The following TPCN1 variants were observed in gnomAD, a reference collection of about 807,000 sequenced individuals.
The protein encoded by TPCN1 is two pore segment channel 1.
Under a neutral mutation model 108.8 loss-of-function variants are expected in TPCN1, and 52 were observed. The observed-to-expected ratio is 0.48, with a 90% CI of 0.38 to 0.60. TPCN1 has a LOEUF of 0.60. Among genes scored for constraint, TPCN1 ranks in the 20% least tolerant of loss-of-function variants. The pLI, the probability that TPCN1 is intolerant of heterozygous loss-of-function variation, is 0.00. For synonymous variants in TPCN1, 446 were observed against 433.7 expected (o/e 1.03, Z -0.35); for missense variants, 806 against 1,072.8 (o/e 0.75, Z 3.47).
intron 15 of TPCN1, among the ~76,000 whole-genome samples, chr12:113,283,714 C>A (rs1199187875): frequency 6.6e-6 from 1 of 152,184 alleles, no homozygotes; most frequent in Non-Finnish European, 1.5e-5. Context: ...TGCTCTGTCA[C>A]CCAAGCTGGA....
chr12:113,242,353 G>A (rs1049506459), intron 2 of TPCN1, among the ~76,000 whole-genome samples: 7 of 152,138 alleles, frequency 4.6e-5, no homozygotes, highest in Admixed American at 3.3e-4. Context: ...ATGGCTTTCC[G>A]CCTGGCCTAC....
intron 1 of TPCN1, among the ~76,000 whole-genome samples, chr12:113,222,040 G>A (rs1197290610): frequency 6.6e-6 from 1 of 152,178 alleles, no homozygotes; most frequent in Non-Finnish European, 1.5e-5. Flanking sequence ...CCTTTCCCCA[G>A]CGCTGGCCAG....
In TPCN1 at chr12:113,292,985, C is replaced by T. The variant is rs768120297; in HGVS notation, c.2165C>T (p.Ala722Val). Residue 722 changes from alanine to valine, a missense_variant, in exon 26 of 28, where the codon GCC becomes GTC. By Grantham distance (64) the Ala-to-Val change is moderately conservative (BLOSUM62 0). Transcript: ENST00000335509. ...EKEISKEELV[A>V]VLELYREARG... ...GAAATCTCCAAAGAAGAGCTGGTTGCCGTCCTGGAGCTCTACCGGGAGGCA... is the reference window on the plus strand; with the variant it reads ...GAAATCTCCAAAGAAGAGCTGGTTGTCGTCCTGGAGCTCTACCGGGAGGCA... 8 of 1,613,244 alleles carry T rather than the reference C, an allele frequency of 5.0e-6. No homozygotes were observed. The African/African-American group carries it at 9.3e-5, about 19-fold the overall frequency.
At position 113,260,391 on chromosome 12, in the gene TPCN1, G is replaced by T; in HGVS notation, c.136G>T (p.Asp46Tyr). 6.6e-7 allele frequency: 1 copy of T among 1,506,854 alleles called. No homozygotes were observed. The highest frequency in any genetic ancestry group is 8.8e-7 in the Non-Finnish European group (1 of 1,132,138). The allele number at this position is 1,506,854 out of a possible 1,614,324, so 93.3% of individuals were successfully genotyped here. Residue 46 changes from aspartate (D) to tyrosine (Y), a missense_variant, in exon 3 of 28, where the codon GAC becomes TAC. Coordinates refer to ENST00000335509, the MANE Select transcript of TPCN1 (RefSeq NM_017901.6). Reference protein sequence around the residue: ...SKNGGSYAIHDSQAPSLSSGG... With the variant: ...SKNGGSYAIHYSQAPSLSSGG... ...AGATGGCGGCAGCTATGCCATCCAC[G>T]ACTCCCAGGCCCCCAGTCTCAGCTC... is the stretch of plus-strand genomic sequence containing the variant.
chr12:113,271,023 G>A (rs7314153), intron 7 of TPCN1, among the ~76,000 whole-genome samples: 1 of 152,190 alleles, frequency 6.6e-6, no homozygotes, highest in Non-Finnish European at 1.5e-5. Context: ...TCTAGGAGGA[G>A]GAGGCAGGCA....
In TPCN1 at chr12:113,288,397, C is replaced by T; in HGVS notation, c.1706+163C>T. 2.0e-6 allele frequency: 3 copies of T among 1,488,094 alleles called. No homozygotes were observed. The highest frequency in any genetic ancestry group is 2.7e-6 in the Non-Finnish European group (3 of 1,120,966). The allele number at this position is 1,488,094 out of a possible 1,614,324, so 92.2% of individuals were successfully genotyped here. A position where few individuals can be genotyped will look rare whatever the true frequency, so the allele number is the denominator to read the frequency against. ...GCCTGGAATCTTGACCACCACAGGTCTCCTGGGCACCATTTTTCTCCACTG... is the reference window on the plus strand; with the variant it reads ...GCCTGGAATCTTGACCACCACAGGTTTCCTGGGCACCATTTTTCTCCACTG... On this transcript the variant is annotated intron_variant, in intron 20 of 27. Transcript: ENST00000335509. This position sits in a 1 kb window ranked among gnomAD's most constrained non-coding sequence, Gnocchi z 4.8.
chr12:113,288,252 C>T lies in TPCN1; in HGVS notation c.1706+18C>T, dbSNP rs766378758. ...ATGGCCAGGTACTGCCAGCCCCCAC[C>T]CTGGCCTGCAGGTCCAGGTGCCGTG... On this transcript the variant is annotated intron_variant, in intron 20 of 27. Transcript: ENST00000335509. The surrounding 1 kb of genome is among the most constrained non-coding windows in gnomAD (Gnocchi z 4.8). 9.3e-6 allele frequency: 15 copies of T among 1,613,536 alleles called. No homozygotes were observed. Among genetic ancestry groups the T allele is most frequent in the Non-Finnish European group, 1.2e-5 (14 of 1,179,892 alleles).
At position 113,288,018 on chromosome 12, in the gene TPCN1, C is replaced by T. The variant is rs1206311378; in HGVS notation, c.1635-145C>T. On this transcript the variant is annotated intron_variant, in intron 19 of 27. Transcript: ENST00000335509. This position sits in a 1 kb window ranked among gnomAD's most constrained non-coding sequence, Gnocchi z 4.8. ...CCTGAGCCCAGCTCAGGGTTGGTGGCGCCCAAGGGAGTGGACGCAGGTGGA... is the reference window on the plus strand; with the variant it reads ...CCTGAGCCCAGCTCAGGGTTGGTGGTGCCCAAGGGAGTGGACGCAGGTGGA... 2.8e-5 allele frequency: 21 copies of T among 737,360 alleles called. No homozygotes were observed. The highest frequency in any genetic ancestry group is 4.0e-5 in the Non-Finnish European group (18 of 455,308). The allele number at this position is 737,360 out of a possible 1,614,324, so 45.7% of individuals were successfully genotyped here.
At chr12:113,227,336 C>T (rs1444119891) in intron 2 of TPCN1, among the ~76,000 whole-genome samples, 1 of 152,212 alleles carries the variant, frequency 6.6e-6, no homozygotes, top group Non-Finnish European at 1.5e-5. Flanking sequence ...CAACACCAGC[C>T]TCCGTCTGTC....
rs1955339287 is a variant in TPCN1, at chr12:113,268,061, A to T, written c.528+105A>T. On this transcript the variant is annotated intron_variant, in intron 5 of 27. Transcript: ENST00000335509. This position sits in a 1 kb window ranked among gnomAD's most constrained non-coding sequence, Gnocchi z 7.3. ...TCAGAATCCACCATGGGCCCAGTCCATGCTCAGAGGTGTAACCCTAGGGTC... is the reference window on the plus strand; with the variant it reads ...TCAGAATCCACCATGGGCCCAGTCCTTGCTCAGAGGTGTAACCCTAGGGTC... 1.2e-6 allele frequency: 1 copy of T among 846,482 alleles called. No individual in the cohort carries two copies. The highest frequency in any genetic ancestry group is 1.5e-5 in the South Asian group (1 of 65,130). 52.4% of individuals were successfully genotyped at this position (846,482 alleles called of 1,614,324 possible).
rs1018415231 is a variant in TPCN1, at chr12:113,266,920, GC to G, written c.414+567del. Among the ~76,000 whole-genome samples the G allele has an allele frequency of 5.3e-5, 8 of 152,174 alleles. No homozygotes were observed. Among genetic ancestry groups the G allele is most frequent in the African/African-American group, 1.9e-4 (8 of 41,440 alleles). ...GCGCTCATCCAGCCTGGCCTCCAAGGCCCTCCATGACTCAGTTTCCCTTCCT... is the reference window on the plus strand; with the variant it reads ...GCGCTCATCCAGCCTGGCCTCCAAGGCCTCCATGACTCAGTTTCCCTTCCT... On this transcript the variant is annotated intron_variant, in intron 4 of 27. Coordinates refer to ENST00000335509, the MANE Select transcript of TPCN1 (RefSeq NM_017901.6). The surrounding 1 kb of genome is among the most constrained non-coding windows in gnomAD (Gnocchi z 4.2).
At position 113,267,841 on chromosome 12, in the gene TPCN1, A is replaced by G; in HGVS notation, c.415-2A>G. ...ACACATCTCCACACCCTCTGGTCTC[A>G]GGTCCACGCCACCCTGGAGCTGTTT... On this transcript the variant is annotated splice_acceptor_variant, in intron 4 of 27. Coordinates refer to ENST00000335509, the MANE Select transcript of TPCN1 (RefSeq NM_017901.6). LOFTEE classifies it high-confidence loss of function. The G allele has an allele frequency of 6.2e-7, 1 of 1,610,886 alleles. No homozygotes were observed. Among genetic ancestry groups the G allele is most frequent in the Non-Finnish European group, 8.5e-7 (1 of 1,177,070 alleles).
intron 22 of TPCN1, among the ~76,000 whole-genome samples, chr12:113,290,546 C>A (rs1335171316): frequency 6.6e-6 from 1 of 152,200 alleles, no homozygotes. Flanking sequence ...AGAATGGGAC[C>A]CAGCCACACC....
At chr12:113,271,931 C>T (rs767970920) in intron 7 of TPCN1, among the ~76,000 whole-genome samples, 3 of 152,160 alleles carry the variant, frequency 2.0e-5, no homozygotes, top group Admixed American at 6.5e-5. Flanking sequence ...CTGGGAAAGC[C>T]GAGGTCCTTT....
chr12:113,285,811 G>A, intron 17 of TPCN1, 78 bp from the exon 18 acceptor site: 1 of 1,254,896 alleles, frequency 8.0e-7, no homozygotes, highest in Non-Finnish European at 1.2e-6. Flanking sequence ...TGCAGACTGT[G>A]GAGGAGCCTC....
In TPCN1 at chr12:113,269,739, T is replaced by C; in HGVS notation, c.660-18T>C. 6.2e-7 allele frequency: 1 copy of C among 1,612,178 alleles called. No homozygotes were observed. Among genetic ancestry groups the C allele is most frequent in the Non-Finnish European group, 8.5e-7 (1 of 1,179,682 alleles). On this transcript the variant is annotated intron_variant, in intron 6 of 27. Coordinates refer to ENST00000335509, the MANE Select transcript of TPCN1 (RefSeq NM_017901.6). The surrounding 1 kb of genome is among the most constrained non-coding windows in gnomAD (Gnocchi z 5.0). Reference sequence around the variant, plus strand: ...GCCCCAGCTGGTGCCTCCCCTGAGCTGGCCCATCTCTCCCCAGCAACCTGC... The same window carrying C: ...GCCCCAGCTGGTGCCTCCCCTGAGCCGGCCCATCTCTCCCCAGCAACCTGC...
At chr12:113,292,903 C>A in intron 25 of TPCN1, 31 bp from the exon 26 acceptor site, 2 of 1,602,018 alleles carry the variant, frequency 1.2e-6, no homozygotes, top group South Asian at 1.1e-5. Context: ...CAGCCCCGGG[C>A]CCTTCCCACA....
intron 4 of TPCN1, among the ~76,000 whole-genome samples, chr12:113,267,324 ATAGATCTTTTG>A (rs1418375282): frequency 6.6e-6 from 1 of 152,008 alleles, no homozygotes; most frequent in African/African-American, 2.4e-5. Context: ...AGTGTCTTTT[ATAGATCTTTTG>A]TAAATTACAT....
intron 2 of TPCN1, among the ~76,000 whole-genome samples, chr12:113,260,146 C>G (rs531284707): frequency 5.9e-5 from 9 of 152,040 alleles, no homozygotes; most frequent in Admixed American, 5.9e-4. Flanking sequence ...TATTTGTACT[C>G]TTTTGTACTT....
Sources: gnomAD v4.1 joint callset for allele counts (sites outside exome capture counted in the v4.1 genomes callset) on GRCh38, gnomAD v4.1.1 for gene constraint, Gnocchi (gnomAD v3.1) non-coding constraint, MANE v1.5 for transcripts, NCBI Gene and HGNC (gene_info 2026-07-23, HGNC 2026-07-21) for gene names.